The following NOS1 variants were observed in gnomAD, a reference collection of about 807,000 sequenced individuals.
NOS1 encodes nitric oxide synthase 1.
In NOS1, 51 loss-of-function variants were observed where a neutral mutation model predicts 164.5. That is an observed-to-expected ratio of 0.31 (90% CI 0.25 to 0.39). The LOEUF (loss-of-function observed/expected upper bound fraction) is 0.39, where lower values mean the gene tolerates loss of function less well. Ranked by LOEUF, NOS1 falls within the 10% of genes least tolerant of loss-of-function variation. The pLI is 1.00. For missense variants in NOS1, 1,362 were observed against 1,885.6 expected (o/e 0.72, Z 5.14); for synonymous variants, 719 against 745.8 (o/e 0.96, Z 0.59).
chr12:117,214,989 A>C lies in NOS1; in HGVS notation c.*320T>G. On this transcript the variant is annotated 3_prime_UTR_variant, in exon 29 of 29. Transcript: ENST00000317775. ...CTTTCCAGGGGAACCCCAGAGAAAA[A>C]AACCCCCACAGCGACGGCCATGTTC... The C allele has an allele frequency of 8.9e-7, 1 of 1,119,324 alleles. No individual in the cohort carries two copies. The highest frequency in any genetic ancestry group is 4.4e-5 in the South Asian group (1 of 22,472). The allele number at this position is 1,119,324 out of a possible 1,614,324, so 69.3% of individuals were successfully genotyped here. A position where few individuals can be genotyped will look rare whatever the true frequency, so the allele number is the denominator to read the frequency against.
intron 15 of NOS1, 150 bp downstream of exon 15, chr12:117,258,876 G>A: frequency 6.5e-6 from 4 of 616,060 alleles, no homozygotes; most frequent in Non-Finnish European, 1.2e-5. Context: ...TCCAACCTTT[G>A]TATAACTTGG....
intron 13 of NOS1, among the ~76,000 whole-genome samples, chr12:117,262,621 C>T (rs1872030149): frequency 1.3e-5 from 2 of 152,098 alleles, no homozygotes; most frequent in South Asian, 4.1e-4. Context: ...CTCTGGGGCC[C>T]ATGGCTTAGA....
intron 1 of NOS1, 147 bp from the exon 2 acceptor site, chr12:117,331,636 T>C (rs548500461): frequency 6.6e-6 from 1 of 152,422 alleles, no homozygotes; most frequent in African/African-American, 2.4e-5. Context: ...CAAGCCAACC[T>C]AGAAACAAAA....
rs1443240186 is a variant in NOS1, at chr12:117,330,947, C to G, written c.123G>C (p.Val41=). 6.2e-7 allele frequency: 1 copy of G among 1,614,168 alleles called. No homozygotes were observed. Among genetic ancestry groups the G allele is most frequent in the Non-Finnish European group, 8.5e-7 (1 of 1,180,032 alleles). The change falls in exon 2 of 29, where the codon GTG becomes GTC. Residue 41 remains valine, a synonymous_variant. Transcript: ENST00000317775. This position sits in a 1 kb window ranked among gnomAD's most constrained non-coding sequence, Gnocchi z 4.6. ...CCCCACGAATCAGGTCAGAGATGAT[C>G]ACGGGCGGCTTACTGACCCGCTCCT... The part of the protein sequence containing the change: ...LVKERVSKPP[V]IISDLIRGGA...
rs1876881546 is a variant in NOS1 at position 117,356,964 on chromosome 12, A to G, written c.-421+4548T>C. Among the ~76,000 whole-genome samples the G allele has an allele frequency of 1.3e-5, 2 of 152,190 alleles. No individual in the cohort carries two copies. Among genetic ancestry groups the G allele is most frequent in the African/African-American group, 4.8e-5 (2 of 41,446 alleles). ...CTTTGGTGAAATCAGTGGTAGTTAA[A>G]CTGGGTTTATTAGCTCTGTGATTAC... On this transcript the variant is annotated intron_variant, in intron 1 of 28. Coordinates refer to ENST00000317775, the MANE Select transcript of NOS1 (RefSeq NM_000620.5). The surrounding 1 kb of genome is among the most constrained non-coding windows in gnomAD (Gnocchi z 4.2).
chr12:117,285,424 C>T, intron 6 of NOS1, 92 bp from the exon 7 acceptor site: 1 of 681,256 alleles, frequency 1.5e-6, no homozygotes, highest in East Asian at 3.2e-5. Context: ...ACCCAGATCC[C>T]ACTCCAGCTG....
At chr12:117,227,808 C>A in intron 22 of NOS1, among the ~76,000 whole-genome samples, 167 bp from the exon 23 acceptor site, 1 of 152,108 alleles carries the variant, frequency 6.6e-6, no homozygotes, top group East Asian at 1.9e-4. Context: ...GAGAGGATCA[C>A]TTGAGGCTAG....
intron 26 of NOS1, 75 bp downstream of exon 26, chr12:117,222,639 AG>A (rs1336403551): frequency 7.3e-7 from 1 of 1,372,312 alleles, no homozygotes; most frequent in Non-Finnish European, 1.0e-6. Flanking sequence ...AGTGAGGGTG[AG>A]GGGTTTCTGA....
chr12:117,356,610 TA>T lies in NOS1; in HGVS notation c.-421+4901del, dbSNP rs1876863378. 6.6e-6 allele frequency among the ~76,000 whole-genome samples: 1 copy of T among 152,232 alleles called. No individual in the cohort carries two copies. The highest frequency in any genetic ancestry group is 1.5e-5 in the Non-Finnish European group (1 of 68,044). ...GGGGTCTAGCACTGGCCTTGCCATT[TA>T]ACACGTGTCATGACACATACAATAA... On this transcript the variant is annotated intron_variant, in intron 1 of 28. Coordinates refer to ENST00000317775, the MANE Select transcript of NOS1 (RefSeq NM_000620.5). This position sits in a 1 kb window ranked among gnomAD's most constrained non-coding sequence, Gnocchi z 4.2.
chr12:117,302,492 G>A (rs543047055), intron 3 of NOS1, among the ~76,000 whole-genome samples: 66 of 151,750 alleles, frequency 4.3e-4, no homozygotes, highest in African/African-American at 1.5e-3. Flanking sequence ...TACGCGGGAG[G>A]CTGAGGCAGG....
At chr12:117,257,947 T>C (rs1189920971) in intron 16 of NOS1, among the ~76,000 whole-genome samples, 1 of 151,776 alleles carries the variant, frequency 6.6e-6, no homozygotes, top group Non-Finnish European at 1.5e-5. Context: ...TGGGATTACA[T>C]ACATGCGCCA....
chr12:117,246,236 G>A (rs1458432205), intron 18 of NOS1: 2 of 154,380 alleles, frequency 1.3e-5, no homozygotes, highest in Non-Finnish European at 2.9e-5. Flanking sequence ...GGGATGCAGA[G>A]TCTGTCACTC....
At chr12:117,271,678 C>T (rs899071244) in intron 10 of NOS1, among the ~76,000 whole-genome samples, 1 of 152,224 alleles carries the variant, frequency 6.6e-6, no homozygotes, top group African/African-American at 2.4e-5. Flanking sequence ...CTTAACTTCT[C>T]TGTTTCTCAG....
chr12:117,357,351 G>A (rs1876903275), intron 1 of NOS1, among the ~76,000 whole-genome samples: 1 of 152,174 alleles, frequency 6.6e-6, no homozygotes, highest in Admixed American at 6.5e-5. Flanking sequence ...AGGTCAAGGT[G>A]GGAGGAATTA....
chr12:117,302,008 A>G (rs995033097), intron 3 of NOS1: 3 of 456,582 alleles, frequency 6.6e-6, no homozygotes, highest in African/African-American at 6.0e-5. Context: ...CCCATCTCCA[A>G]CACTTACTGG....
chr12:117,293,850 T>C (rs1873224976), intron 3 of NOS1, among the ~76,000 whole-genome samples: 1 of 152,156 alleles, frequency 6.6e-6, no homozygotes, highest in Non-Finnish European at 1.5e-5. Context: ...CTTTCTAGCC[T>C]GTCTAAGTTA....
At chr12:117,293,666 GTAT>G (rs72104095) in intron 3 of NOS1, among the ~76,000 whole-genome samples, 4,108 of 151,268 alleles carry the variant, frequency 0.027, 167 homozygotes, top group East Asian at 0.17. Flanking sequence ...ATTATTACTT[GTAT>G]TATTATTACT....
intron 13 of NOS1, among the ~76,000 whole-genome samples, chr12:117,263,129 G>A (rs1027979415): frequency 1.3e-5 from 2 of 152,180 alleles, no homozygotes; most frequent in African/African-American, 2.4e-5. Context: ...TGTCTAGCTT[G>A]CCATGATCCC....
In NOS1 at chr12:117,224,309, G is replaced by A. The variant is rs553773886; in HGVS notation, c.3826+707C>T. Among the ~76,000 whole-genome samples the A allele has an allele frequency of 1.0e-3, 151 of 151,648 alleles. 2 individuals are homozygous for A. Among genetic ancestry groups the A allele is most frequent in the Middle Eastern group, 6.8e-3 (2 of 294 alleles). On this transcript the variant is annotated intron_variant, in intron 25 of 28. Transcript: ENST00000317775. The stretch of plus-strand genomic sequence containing the variant: ...TTATATTTTATTTTTTTTCTCAGAC[G>A]GAGTCTCACTCTGTCACCCAGGCTG...
Sources: gnomAD v4.1 joint callset for allele counts (sites outside exome capture counted in the v4.1 genomes callset) on GRCh38, gnomAD v4.1.1 for gene constraint, Gnocchi (gnomAD v3.1) non-coding constraint, MANE v1.5 for transcripts, NCBI Gene and HGNC (gene_info 2026-07-23, HGNC 2026-07-21) for gene names.